CCNH: variants seen among roughly 807,000 people sequenced by gnomAD.
CCNH encodes the protein cyclin H, also known as cyclin-H.
Under a neutral mutation model 41.9 loss-of-function variants are expected in CCNH, and 31 were observed. The ratio of observed to expected loss-of-function variants is 0.74; its 90% CI spans 0.56 to 1.00. The LOEUF is 1.00. Among genes scored for constraint, CCNH ranks in the 50% least tolerant of loss-of-function variants. The pLI is 0.00. For missense variants in CCNH, 362 were observed against 388.4 expected (o/e 0.93, Z 0.57); for synonymous variants, 138 against 136.1 (o/e 1.01, Z -0.10).
In CCNH at chr5:87,369,817, A is replaced by C; in HGVS notation, c.*90+22953T>G. ...ATTTTTGTTTTTATTTTAAAGGCCA[A>C]ACTGTTTTCAGATAGTAGTTCAGCA... is the stretch of plus-strand genomic sequence containing the variant. On this transcript the variant is annotated intron_variant and NMD_transcript_variant, in intron 9 of 9. Coordinates refer to the CCNH transcript ENST00000645953. 1 of 1,610,632 alleles carries C rather than the reference A, an allele frequency of 6.2e-7. No individual in the cohort carries two copies. The highest frequency in any genetic ancestry group is 8.5e-7 in the Non-Finnish European group (1 of 1,177,808).
intron 9 of CCNH, chr5:87,349,132 A>C: frequency 6.7e-7 from 1 of 1,486,056 alleles, no homozygotes; most frequent in Non-Finnish European, 9.3e-7. Flanking sequence ...ATGACTTTGA[A>C]TGCACTTTGT....
In CCNH at chr5:87,396,865, T is replaced by TA. The variant is rs3093842; in HGVS notation, c.873-1762dup. Among the ~76,000 whole-genome samples the TA allele has an allele frequency of 7.8e-3, 1,195 of 152,328 alleles. 15 individuals are homozygous for TA. Among genetic ancestry groups the TA allele is most frequent in the African/African-American group, 0.028 (1,147 of 41,566 alleles). Reference sequence around the variant, plus strand: ...AAAAAAACGCTGCTTATTTCATAAATATATGGATATACGTGCAGAGAAAAG... The same window carrying TA: ...AAAAAAACGCTGCTTATTTCATAAATAATATGGATATACGTGCAGAGAAAAG... On this transcript the variant is annotated intron_variant, in intron 7 of 8. Transcript: ENST00000256897.
upstream of CCNH, chr5:87,378,628 T>C (rs1025560119): frequency 1.3e-5 from 17 of 1,338,196 alleles, no homozygotes; most frequent in Non-Finnish European, 1.8e-5. Context: ...AAGGAAAATA[T>C]ATTAAATTTC....
intron 9 of CCNH, among the ~76,000 whole-genome samples, chr5:87,320,046 T>C (rs1756669347): frequency 6.6e-6 from 1 of 152,156 alleles, no homozygotes; most frequent in Non-Finnish European, 1.5e-5. Flanking sequence ...TCCATACATC[T>C]CTAGGGCAGG....
exon 10 of CCNH, chr5:87,318,617 A>G (rs775875135): frequency 6.6e-6 from 1 of 152,204 alleles, no homozygotes; most frequent in Non-Finnish European, 1.5e-5. Context: ...AGAACTCACT[A>G]TCACGAGAGC....
In CCNH at chr5:87,338,522, TA is replaced by T. The variant is rs1475634746; in HGVS notation, c.*91-19626del. Among the ~76,000 whole-genome samples, 134 of 101,418 alleles carry T rather than the reference TA, an allele frequency of 1.3e-3. 5 individuals are homozygous for T. The highest frequency in any genetic ancestry group is 3.1e-3 in the East Asian group (10 of 3,204). 66.5% of individuals were successfully genotyped at this position (101,418 alleles called of 152,430 possible). A position where few individuals can be genotyped will look rare whatever the true frequency, so the allele number is the denominator to read the frequency against. Reference sequence around the variant, plus strand: ...AATTTTATATATATATATATATATATATATATATATAAAATTTTTTTTTTTT... The same window carrying T: ...AATTTTATATATATATATATATATATTATATATATAAAATTTTTTTTTTTT... On this transcript the variant is annotated intron_variant and NMD_transcript_variant, in intron 9 of 9. Transcript: ENST00000645953.
intron 8 of CCNH, 190 bp from the exon 9 acceptor site, chr5:87,394,674 A>G (rs111981358): frequency 0.018 from 24,818 of 1,388,176 alleles, 257 homozygotes; most frequent in Non-Finnish European, 0.021. Flanking sequence ...CCAGTGAGGA[A>G]TAAAGGTTAT....
downstream of CCNH, chr5:87,392,094 C>A (rs931254877): frequency 3.0e-6 from 1 of 329,748 alleles, no homozygotes; most frequent in Non-Finnish European, 6.0e-6. Context: ...ATAATTCCTT[C>A]CCTCTCATAA....
chr5:87,396,504 C>T (rs1404741298), intron 7 of CCNH, among the ~76,000 whole-genome samples: 1 of 151,962 alleles, frequency 6.6e-6, no homozygotes, highest in East Asian at 1.9e-4. Context: ...ATGCACCTGT[C>T]GTCCCAGCTA....
intron 9 of CCNH, among the ~76,000 whole-genome samples, chr5:87,343,338 T>C (rs966570104): frequency 6.6e-6 from 1 of 152,204 alleles, no homozygotes; most frequent in East Asian, 1.9e-4. Flanking sequence ...GGATTTGATA[T>C]AACAGTAACC....
At chr5:87,357,671 C>T (rs1759754559) in intron 9 of CCNH, among the ~76,000 whole-genome samples, 1 of 151,754 alleles carries the variant, frequency 6.6e-6, no homozygotes. Flanking sequence ...CACCACTGCA[C>T]TCCAGACTGG....
chr5:87,385,449 C>A, intron 9 of CCNH: 4 of 1,282,564 alleles, frequency 3.1e-6, no homozygotes, highest in Non-Finnish European at 4.5e-6. Flanking sequence ...CATGATAAAA[C>A]CATAAATTGT....
At chr5:87,375,262 C>CT (rs998063046), downstream of CCNH, among the ~76,000 whole-genome samples, 28 of 149,096 alleles carry the variant, frequency 1.9e-4, no homozygotes, top group East Asian at 5.9e-4. Context: ...GTTTTTCCTG[C>CT]TTTTTTTTTT....
At chr5:87,354,879 G>T (rs917147785) in intron 9 of CCNH, among the ~76,000 whole-genome samples, 4 of 152,134 alleles carry the variant, frequency 2.6e-5, no homozygotes, top group African/African-American at 9.7e-5. Context: ...AATTTGAGTG[G>T]TCTGGATTGA....
intron 9 of CCNH, chr5:87,385,176 A>C: frequency 1.4e-6 from 1 of 706,818 alleles, no homozygotes; most frequent in East Asian, 2.7e-5. Context: ...AAACATTCTG[A>C]GTTCCGAATG....
Position 87,319,473 on chromosome 5 carries a change from T to TGTGCACCCACA in CCNH, c.*91-587_*91-577dup, listed in dbSNP as rs548901679. The stretch of plus-strand genomic sequence containing the variant: ...CTCCCAAACCTCTTCTCTTGCCTTT[T>TGTGCACCCACA]GTGCACCCACAGACCCAACACCATG... On this transcript the variant is annotated intron_variant and NMD_transcript_variant, in intron 9 of 9. Transcript: ENST00000645953. Among the ~76,000 whole-genome samples, 354 of 152,374 alleles carry TGTGCACCCACA rather than the reference T, an allele frequency of 2.3e-3. 2 individuals are homozygous for TGTGCACCCACA. Among genetic ancestry groups the TGTGCACCCACA allele is most frequent in the African/African-American group, 8.2e-3 (339 of 41,588 alleles).
At chr5:87,382,929 T>TA (rs200006864) in intron 9 of CCNH, among the ~76,000 whole-genome samples, 5,196 of 138,714 alleles carry the variant, frequency 0.037, 105 homozygotes, top group Middle Eastern at 0.072. Context: ...CAAAAATAAT[T>TA]AAAAAAAAAA....
upstream of CCNH, chr5:87,379,809 G>C (rs1055788467): frequency 1.2e-6 from 2 of 1,612,908 alleles, no homozygotes; most frequent in Non-Finnish European, 1.7e-6. Flanking sequence ...TACTTTCAGA[G>C]CTTGTGGAGA....
Position 87,405,026 on chromosome 5 carries a change from A to G in CCNH, c.526-19T>C, listed in dbSNP as rs377330690. 53 of 1,593,732 alleles carry G rather than the reference A, an allele frequency of 3.3e-5. No individual in the cohort carries two copies. The highest frequency in any genetic ancestry group is 2.5e-4 in the East Asian group (11 of 44,674). ...AGCGGGTCTACAAAGAAAGTTTGCA[A>G]ATGTTACCATTTCTGAGGGTTTAAA... On this transcript the variant is annotated intron_variant, in intron 4 of 8. Transcript: ENST00000256897.
Sources: allele counts gnomAD v4.1 joint callset (sites outside exome capture counted in the v4.1 genomes callset), GRCh38; gene constraint gnomAD v4.1.1; transcripts MANE v1.5; gene names NCBI Gene and HGNC (gene_info 2026-07-23, HGNC 2026-07-21).